RUNDC3B: variants seen among roughly 807,000 people sequenced by gnomAD.
The protein encoded by RUNDC3B is RUN domain containing 3B.
Under a neutral mutation model 58.4 loss-of-function variants are expected in RUNDC3B, and 33 were observed. The observed-to-expected ratio is 0.56, with a 90% CI of 0.43 to 0.75. RUNDC3B has a LOEUF of 0.75. RUNDC3B is among the 30% of genes least tolerant of loss of function. RUNDC3B has a pLI of 0.00. For missense variants in RUNDC3B, 501 were observed against 535.7 expected (o/e 0.94, Z 0.64); for synonymous variants, 193 against 195.2 (o/e 0.99, Z 0.10).
rs1584061492 is a variant in RUNDC3B at position 87,740,345 on chromosome 7, A to T, written c.548+465A>T. On this transcript the variant is annotated intron_variant, in intron 5 of 10. Coordinates refer to ENST00000394654, the MANE Select transcript of RUNDC3B (RefSeq NM_001134405.2). Reference sequence around the variant, plus strand: ...TATGTATGGAGAATATTAAAAAAAAAAATTGTTAAAATTTACTTTTATTGT... The same window carrying T: ...TATGTATGGAGAATATTAAAAAAAATAATTGTTAAAATTTACTTTTATTGT... Among the ~76,000 whole-genome samples, 4 of 152,132 alleles carry T rather than the reference A, an allele frequency of 2.6e-5. No homozygotes were observed. In the East Asian group the frequency reaches 5.8e-4, roughly 22 times the overall value.
chr7:87,725,440 A>G (rs1399545884), intron 4 of RUNDC3B, among the ~76,000 whole-genome samples: 2 of 152,202 alleles, frequency 1.3e-5, no homozygotes, highest in Non-Finnish European at 2.9e-5. Flanking sequence ...TTGTGGCTGC[A>G]TAGTATTCCA....
At chr7:87,788,025 C>A (rs1835314928) in intron 8 of RUNDC3B, among the ~76,000 whole-genome samples, 1 of 152,118 alleles carries the variant, frequency 6.6e-6, no homozygotes, top group African/African-American at 2.4e-5. Context: ...GTTTGCTTAA[C>A]AGGTATCACT....
intron 1 of RUNDC3B, among the ~76,000 whole-genome samples, chr7:87,648,532 C>CA (rs11307709): frequency 7.4e-4 from 100 of 134,458 alleles, no homozygotes; most frequent in Non-Finnish European, 9.0e-4. Flanking sequence ...TGCCAAAAGA[C>CA]AAAAAAAAAA....
chr7:87,636,837 C>T (rs926726491), intron 1 of RUNDC3B, among the ~76,000 whole-genome samples: 5 of 152,066 alleles, frequency 3.3e-5, no homozygotes, highest in Non-Finnish European at 7.4e-5. Flanking sequence ...TGAGGACATA[C>T]CTGAGACTGG....
intron 2 of RUNDC3B, among the ~76,000 whole-genome samples, chr7:87,696,446 C>T (rs1828500842): frequency 1.3e-5 from 2 of 152,048 alleles, no homozygotes; most frequent in African/African-American, 2.4e-5. Flanking sequence ...AATAATATCG[C>T]AGATAACTCA....
chr7:87,700,402 C>T lies in RUNDC3B; in HGVS notation c.239-19C>T, dbSNP rs189432463. On this transcript the variant is annotated intron_variant, in intron 2 of 10. Coordinates refer to ENST00000394654, the MANE Select transcript of RUNDC3B (RefSeq NM_001134405.2). ...TATTTTACTTTTTAAAATTTTATAT[C>T]GCAATTTGTCTCCTGAAGGTCAAGT... 53 of 1,558,856 alleles carry T rather than the reference C, an allele frequency of 3.4e-5. No homozygotes were observed. In the East Asian group the frequency reaches 5.0e-4, roughly 15 times the overall value.
chr7:87,750,524 A>G (rs1832910518), intron 6 of RUNDC3B, among the ~76,000 whole-genome samples: 2 of 152,110 alleles, frequency 1.3e-5, no homozygotes, highest in Non-Finnish European at 2.9e-5. Context: ...ATTTCTCCAC[A>G]TCCTCTCCAG....
At chr7:87,779,028 A>G (rs1834798166) in intron 8 of RUNDC3B, among the ~76,000 whole-genome samples, 1 of 152,244 alleles carries the variant, frequency 6.6e-6, no homozygotes, top group Middle Eastern at 3.4e-3. Context: ...CTAAACACAC[A>G]TACATTTTTT....
intron 3 of RUNDC3B, among the ~76,000 whole-genome samples, chr7:87,700,998 A>G (rs1407422551): frequency 6.6e-6 from 1 of 152,202 alleles, no homozygotes; most frequent in Non-Finnish European, 1.5e-5. Flanking sequence ...CTTAAGAATG[A>G]CCATGATGGT....
chr7:87,829,882 C>G lies in RUNDC3B; in HGVS notation c.1226-3C>G, dbSNP rs760882383. On this transcript the variant is annotated splice_region_variant and splice_polypyrimidine_tract_variant and intron_variant, in intron 10 of 10. Transcript: ENST00000394654. ...TTATTTGCTATTTAATTCTAATTTT[C>G]AGGTAAGGAAGATACTCCCTCATTA... is the stretch of plus-strand genomic sequence containing the variant. The G allele has an allele frequency of 2.5e-6, 4 of 1,582,616 alleles. No homozygotes were observed. Among genetic ancestry groups the G allele is most frequent in the Non-Finnish European group, 3.4e-6 (4 of 1,164,360 alleles).
chr7:87,828,401 GTC>G (rs1413515814), intron 10 of RUNDC3B, among the ~76,000 whole-genome samples: 2 of 152,062 alleles, frequency 1.3e-5, no homozygotes, highest in Non-Finnish European at 2.9e-5. Flanking sequence ...TGACCCCACT[GTC>G]TACCACTGCC....
chr7:87,798,991 G>A (rs1584236760), intron 8 of RUNDC3B, among the ~76,000 whole-genome samples: 2 of 152,112 alleles, frequency 1.3e-5, no homozygotes, highest in South Asian at 4.1e-4. Context: ...AAAATAACAC[G>A]AATGAAGAAC....
intron 2 of RUNDC3B, among the ~76,000 whole-genome samples, chr7:87,685,985 C>T (rs1472264350): frequency 6.6e-6 from 1 of 152,142 alleles, no homozygotes; most frequent in African/African-American, 2.4e-5. Context: ...AGGAATACTC[C>T]TTTACCATCA....
intron 6 of RUNDC3B, among the ~76,000 whole-genome samples, chr7:87,757,967 G>C (rs1170879189): frequency 2.0e-5 from 3 of 152,122 alleles, no homozygotes; most frequent in African/African-American, 4.8e-5. Context: ...AAGGATGAAA[G>C]TAGACCTCAA....
At chr7:87,796,100 T>C (rs945879097) in intron 8 of RUNDC3B, among the ~76,000 whole-genome samples, 3 of 152,156 alleles carry the variant, frequency 2.0e-5, no homozygotes, top group Non-Finnish European at 4.4e-5. Context: ...GTGGTACTTA[T>C]ACATAATGGA....
Position 87,830,278 on chromosome 7 carries a change from A to C in RUNDC3B, c.*248A>C, listed in dbSNP as rs541101997. 3.1e-4 allele frequency: 83 copies of C among 270,674 alleles called. 1 individual carries two copies. In the East Asian group the frequency reaches 5.2e-3, roughly 17 times the overall value. 16.8% of individuals were successfully genotyped at this position (270,674 alleles called of 1,614,324 possible). Reference sequence around the variant, plus strand: ...ATGGAATAGGCTTTAAAAAAAAAAAAACTTTCAAAGATCCGCCAAATCATT... The same window carrying C: ...ATGGAATAGGCTTTAAAAAAAAAAACACTTTCAAAGATCCGCCAAATCATT... On this transcript the variant is annotated 3_prime_UTR_variant, in exon 11 of 11. Coordinates refer to ENST00000394654, the MANE Select transcript of RUNDC3B (RefSeq NM_001134405.2).
intron 6 of RUNDC3B, among the ~76,000 whole-genome samples, chr7:87,757,756 A>G (rs1833450887): frequency 6.6e-6 from 1 of 152,160 alleles, no homozygotes. Context: ...TCACCTGCAA[A>G]TACTATAGAG....
chr7:87,773,429 T>C (rs1332492302), intron 7 of RUNDC3B, among the ~76,000 whole-genome samples: 1 of 152,018 alleles, frequency 6.6e-6, no homozygotes, highest in East Asian at 1.9e-4. Flanking sequence ...CAAAAATTAA[T>C]TAAATGTCCA....
intron 2 of RUNDC3B, among the ~76,000 whole-genome samples, chr7:87,681,466 T>G (rs1446302863): frequency 1.3e-5 from 2 of 150,644 alleles, no homozygotes; most frequent in Non-Finnish European, 2.9e-5. Flanking sequence ...CACAAAAAAT[T>G]TTTGGTTTCC....
Sources: gnomAD v4.1 joint callset for allele counts (sites outside exome capture counted in the v4.1 genomes callset) on GRCh38, gnomAD v4.1.1 for gene constraint, MANE v1.5 for transcripts, NCBI Gene and HGNC (gene_info 2026-07-23, HGNC 2026-07-21) for gene names.